Variants in CELA1 observed in about 807,000 individuals in gnomAD.
CELA1 encodes chymotrypsin-like elastase family member 1.
CELA1 carries 28 observed loss-of-function variants against 34.8 expected under a neutral mutation model. The observed-to-expected ratio is 0.80, with a 90% CI of 0.60 to 1.10. CELA1 has a LOEUF of 1.10. Among genes scored for constraint, CELA1 ranks in the 50% least tolerant of loss-of-function variants. The pLI is 0.00. For missense variants in CELA1, 288 were observed against 327.5 expected (o/e 0.88, Z 0.93); for synonymous variants, 140 against 129.8 (o/e 1.08, Z -0.53).
chr12:51,345,488 C>T (rs187299514), intron 2 of CELA1, among the ~76,000 whole-genome samples: 1 of 152,304 alleles, frequency 6.6e-6, no homozygotes, highest in Admixed American at 6.5e-5. Context: ...TATGTGGAGT[C>T]CAAGGTGACT....
chr12:51,343,887 G>A, intron 2 of CELA1, 34 bp from the exon 3 acceptor site: 1 of 1,234,262 alleles, frequency 8.1e-7, no homozygotes, highest in East Asian at 2.4e-5. Context: ...GGGATAGGTT[G>A]GTGTTTCTCA....
chr12:51,343,204 T>A (rs1946548322), intron 3 of CELA1, among the ~76,000 whole-genome samples: 1 of 152,184 alleles, frequency 6.6e-6, no homozygotes, highest in African/African-American at 2.4e-5. Flanking sequence ...CATAGACTTT[T>A]AGGCTAGTTG....
At chr12:51,342,200 T>G (rs1946540213) in intron 4 of CELA1, among the ~76,000 whole-genome samples, 1 of 152,168 alleles carries the variant, frequency 6.6e-6, no homozygotes, top group Admixed American at 6.5e-5. Flanking sequence ...CTAATTTTTT[T>G]TTTTTTGTAT....
intron 6 of CELA1, among the ~76,000 whole-genome samples, chr12:51,336,448 G>A (rs370405144): frequency 1.7e-4 from 26 of 152,246 alleles, no homozygotes; most frequent in African/African-American, 5.8e-4. Flanking sequence ...CCAACATGGG[G>A]AAACCCCGTC....
At chr12:51,338,626 C>A (rs901883676) in intron 6 of CELA1, among the ~76,000 whole-genome samples, 1 of 152,136 alleles carries the variant, frequency 6.6e-6, no homozygotes, top group African/African-American at 2.4e-5. Flanking sequence ...TAGGTACCTA[C>A]CCTTGGGCTT....
Position 51,341,379 on chromosome 12 carries a change from A to G in CELA1, c.328T>C (p.Tyr110His), listed in dbSNP as rs1307982973. 1 of 1,614,104 alleles carries G rather than the reference A, an allele frequency of 6.2e-7. No individual in the cohort carries two copies. Among genetic ancestry groups the G allele is most frequent in the Admixed American group, 1.7e-5 (1 of 60,018 alleles). Residue 110 changes from tyrosine (Y) to histidine (H), a missense_variant and splice_region_variant, in exon 5 of 8, where the codon TAT (tyrosine) becomes CAT (histidine). Coordinates refer to ENST00000293636, the MANE Select transcript of CELA1 (RefSeq NM_001971.6). Reference protein sequence around the residue: ...YWNSDNVAAGYDIALLRLAQS... With the variant: ...YWNSDNVAAGHDIALLRLAQS... ...GCCAGGCGCAGCAGGGCGATGTCAT[A>G]GCTGCAGGAGAAAAGGAGACTGCTC...
chr12:51,345,463 G>T (rs542441428), intron 2 of CELA1, among the ~76,000 whole-genome samples: 1 of 152,246 alleles, frequency 6.6e-6, no homozygotes, highest in African/African-American at 2.4e-5. Flanking sequence ...AGTGGTGTGC[G>T]TGTGAGTTTC....
At chr12:51,345,526 C>A (rs752551727) in intron 2 of CELA1, among the ~76,000 whole-genome samples, 5 of 152,192 alleles carry the variant, frequency 3.3e-5, no homozygotes, top group Non-Finnish European at 7.3e-5. Context: ...TCTTGCGTGG[C>A]ACAAGTGCTG....
In CELA1 at chr12:51,343,858, A is replaced by T. The variant is rs1228476170; in HGVS notation, c.100-5T>A. 1 of 1,511,972 alleles carries T rather than the reference A, an allele frequency of 6.6e-7. No homozygotes were observed. Among genetic ancestry groups the T allele is most frequent in the Non-Finnish European group, 9.2e-7 (1 of 1,090,882 alleles). 93.7% of individuals were successfully genotyped at this position (1,511,972 alleles called of 1,614,324 possible). A position where few individuals can be genotyped will look rare whatever the true frequency, so the allele number is the denominator to read the frequency against. ...AGACCGGTACTGGAGGGAAATCTAG[A>T]TGGGGAGGAAAGAAAGAAGGGATAG... On this transcript the variant is annotated splice_polypyrimidine_tract_variant and splice_region_variant and intron_variant, in intron 2 of 7. Coordinates refer to ENST00000293636, the MANE Select transcript of CELA1 (RefSeq NM_001971.6).
At chr12:51,342,758 A>G in intron 3 of CELA1, 58 bp from the exon 4 acceptor site, 1 of 1,548,982 alleles carries the variant, frequency 6.5e-7, no homozygotes, top group Non-Finnish European at 8.7e-7. Context: ...TCTCTACCCC[A>G]CTTAGAGAAA....
chr12:51,336,506 A>G (rs1485701851), intron 6 of CELA1, among the ~76,000 whole-genome samples: 4 of 152,180 alleles, frequency 2.6e-5, no homozygotes, highest in Non-Finnish European at 5.9e-5. Flanking sequence ...ACATGCCTGT[A>G]ATCCCGGCTA....
chr12:51,332,898 G>A (rs1337795674), intron 6 of CELA1, among the ~76,000 whole-genome samples: 4 of 151,862 alleles, frequency 2.6e-5, no homozygotes, highest in African/African-American at 9.7e-5. Context: ...AAAAAACTAG[G>A]GAAAGAGACC....
chr12:51,345,706 T>C, intron 2 of CELA1, 89 bp downstream of exon 2: 1 of 926,376 alleles, frequency 1.1e-6, no homozygotes, highest in Non-Finnish European at 1.7e-6. Context: ...TGCTTGTTGA[T>C]AGGGACATGC....
chr12:51,332,831 C>T (rs1462630417), intron 6 of CELA1, among the ~76,000 whole-genome samples: 1 of 152,096 alleles, frequency 6.6e-6, no homozygotes, highest in East Asian at 1.9e-4. Context: ...CGTACTCCAG[C>T]CTGGGCAACA....
In CELA1 at chr12:51,329,787, G is replaced by T; in HGVS notation, c.656C>A (p.Ser219Tyr). ...PLHCLVNGKY[S>Y]VHGVTSFVSS... The stretch of plus-strand genomic sequence containing the variant: ...CACAAAGCTGGTCACTCCATGGACA[G>T]AATACTTGCCATTCACCAAGCAATG... Residue 219 changes from serine to tyrosine, a missense_variant, in exon 7 of 8, where the codon TCT becomes TAT. By Grantham distance (144) the Ser-to-Tyr change is moderately radical. Transcript: ENST00000293636. The T allele has an allele frequency of 6.2e-7, 1 of 1,612,562 alleles. No individual in the cohort carries two copies. Among genetic ancestry groups the T allele is most frequent in the Non-Finnish European group, 8.5e-7 (1 of 1,179,444 alleles).
chr12:51,332,674 G>A (rs561512610), intron 6 of CELA1, among the ~76,000 whole-genome samples: 5 of 152,088 alleles, frequency 3.3e-5, no homozygotes, highest in South Asian at 2.1e-4. Flanking sequence ...AGACCAGCCT[G>A]GCCAACATAG....
intron 4 of CELA1, 141 bp downstream of exon 4, chr12:51,342,434 T>C: frequency 8.1e-7 from 1 of 1,235,120 alleles, no homozygotes; most frequent in Non-Finnish European, 1.1e-6. Context: ...GCTCCTTAAC[T>C]AAAGGCCAGG....
rs11834502 is a variant in CELA1, at chr12:51,340,826, C to T, written c.463+418G>A. ...TTCGAGGCCAGCCTAGGCAATATAG[C>T]GAGATCCCATCTCTACAAAAAAATT... On this transcript the variant is annotated intron_variant, in intron 5 of 7. Transcript: ENST00000293636. Among the ~76,000 whole-genome samples the T allele has an allele frequency of 2.4e-3, 363 of 152,090 alleles. 2 individuals carry two copies. The highest frequency in any genetic ancestry group is 8.3e-3 in the African/African-American group (345 of 41,482).
At chr12:51,330,267 G>A (rs899440697) in intron 6 of CELA1, among the ~76,000 whole-genome samples, 2 of 152,136 alleles carry the variant, frequency 1.3e-5, no homozygotes, top group African/African-American at 4.8e-5. Flanking sequence ...TAGACCAATG[G>A]GTATAATTAG....
Sources: gnomAD v4.1 joint callset for allele counts (sites outside exome capture counted in the v4.1 genomes callset) on GRCh38, gnomAD v4.1.1 for gene constraint, MANE v1.5 for transcripts, NCBI Gene and HGNC (gene_info 2026-07-23, HGNC 2026-07-21) for gene names.